The following AKNAD1 variants were observed in gnomAD, a reference collection of about 807,000 sequenced individuals.
AKNAD1 encodes AKNA domain containing 1, also known as protein AKNAD1.
Under a neutral mutation model 90.8 loss-of-function variants are expected in AKNAD1, and 67 were observed. The observed-to-expected ratio is 0.74, with a 90% CI of 0.61 to 0.90. AKNAD1 has a LOEUF of 0.90. Among genes scored for constraint, AKNAD1 ranks in the 40% least tolerant of loss-of-function variants. The probability of loss-of-function intolerance (pLI) is 0.00; values close to 1 mark genes in which losing one functional copy is unlikely to be tolerated. For missense variants in AKNAD1, 957 were observed against 975.4 expected (o/e 0.98, Z 0.25); for synonymous variants, 327 against 341.4 (o/e 0.96, Z 0.46).
At chr1:108,826,084 C>T (rs1459892735) in intron 11 of AKNAD1, among the ~76,000 whole-genome samples, 1 of 151,722 alleles carries the variant, frequency 6.6e-6, no homozygotes, top group Non-Finnish European at 1.5e-5. Flanking sequence ...CCTCCGATTA[C>T]ACCTGGAAAA....
At chr1:108,824,027 A>G (rs1331137236) in intron 11 of AKNAD1, among the ~76,000 whole-genome samples, 1 of 151,750 alleles carries the variant, frequency 6.6e-6, no homozygotes, top group African/African-American at 2.4e-5. Flanking sequence ...TTGTTTTTCC[A>G]TAGTTGGCCT....
intron 7 of AKNAD1, among the ~76,000 whole-genome samples, chr1:108,835,525 GC>G (rs1442885647): frequency 1.3e-5 from 2 of 152,174 alleles, no homozygotes; most frequent in African/African-American, 4.8e-5. Context: ...AAGTGACAGA[GC>G]CAGTATGTGA....
intron 9 of AKNAD1, among the ~76,000 whole-genome samples, chr1:108,831,524 G>A (rs1161753017): frequency 1.3e-5 from 2 of 152,068 alleles, no homozygotes; most frequent in African/African-American, 4.8e-5. Context: ...ACTTGAAAAT[G>A]TTTCTGTTAA....
At chr1:108,850,832 A>C (rs1664833848) in intron 2 of AKNAD1, among the ~76,000 whole-genome samples, 1 of 152,136 alleles carries the variant, frequency 6.6e-6, no homozygotes, top group Admixed American at 6.5e-5. Flanking sequence ...TTACCTTACT[A>C]TTGGGCCTCA....
chr1:108,834,888 C>T, intron 8 of AKNAD1, 41 bp downstream of exon 8: 1 of 1,500,566 alleles, frequency 6.7e-7, no homozygotes, highest in Non-Finnish European at 8.8e-7. Flanking sequence ...GGGCCTCTTT[C>T]TGTGTCCTGT....
intron 1 of AKNAD1, among the ~76,000 whole-genome samples, chr1:108,853,318 A>G (rs1193047109): frequency 2.0e-5 from 3 of 151,744 alleles, no homozygotes; most frequent in Non-Finnish European, 4.4e-5. Flanking sequence ...TTTTTAGTAG[A>G]GATGGGGTTT....
At chr1:108,832,211 C>CTT (rs35868464) in intron 9 of AKNAD1, among the ~76,000 whole-genome samples, 2,308 of 91,614 alleles carry the variant, frequency 0.025, 104 homozygotes, top group African/African-American at 0.059. Context: ...ATGCTGTGTT[C>CTT]TTTTTTTTTT....
At position 108,852,282 on chromosome 1, in the gene AKNAD1, A is replaced by G; in HGVS notation, c.383T>C (p.Ile128Thr). The G allele has an allele frequency of 6.2e-7, 1 of 1,614,190 alleles. No homozygotes were observed. The highest frequency in any genetic ancestry group is 8.5e-7 in the Non-Finnish European group (1 of 1,180,036). The change falls in exon 2 of 16, where the codon ATT becomes ACT. Residue 128 changes from isoleucine (I) to threonine (T), a missense_variant. Ile to Thr is a moderately conservative substitution (Grantham distance 89, BLOSUM62 -1). Coordinates refer to ENST00000370001, the MANE Select transcript of AKNAD1 (RefSeq NM_152763.5). Reference sequence around the variant, plus strand: ...GATCTCTGGGAGGGTTTCACAATCAATGCCTTGACCTCTTAAGAATGGCTC... The same window carrying G: ...GATCTCTGGGAGGGTTTCACAATCAGTGCCTTGACCTCTTAAGAATGGCTC... ...SKEPFLRGQG[I>T]DCETLPEISN...
intron 7 of AKNAD1, among the ~76,000 whole-genome samples, chr1:108,835,661 G>A (rs78139191): frequency 6.8e-6 from 1 of 147,036 alleles, no homozygotes; most frequent in African/African-American, 2.5e-5. Flanking sequence ...GTCTTGCCCT[G>A]TCACCCAGAC....
Position 108,848,913 on chromosome 1 carries a change from T to G in AKNAD1, c.1181A>C (p.Lys394Thr). 6.2e-7 allele frequency: 1 copy of G among 1,601,044 alleles called. No homozygotes were observed. The highest frequency in any genetic ancestry group is 1.1e-5 in the South Asian group (1 of 87,652). ...LKEQTDQLKTKVQEFSKRIKQ... is the reference protein window; with the variant it reads ...LKEQTDQLKTTVQEFSKRIKQ... ...TATAATAAGCTTTAAAAGTATTACT[T>G]TAGTCTTCAGTTGATCAGTCTGTTC... The change falls in exon 4 of 16, where the codon AAA becomes ACA. Residue 394 changes from lysine to threonine, a missense_variant and splice_region_variant. Physicochemically the swap from Lys to Thr is moderately conservative, Grantham distance 78. Coordinates refer to ENST00000370001, the MANE Select transcript of AKNAD1 (RefSeq NM_152763.5).
Position 108,852,703 on chromosome 1 carries a change from A to C in AKNAD1, c.-39T>G. 6 of 1,524,050 alleles carry C rather than the reference A, an allele frequency of 3.9e-6. No homozygotes were observed. The highest frequency in any genetic ancestry group is 5.3e-6 in the Non-Finnish European group (6 of 1,142,138). 94.4% of individuals were successfully genotyped at this position (1,524,050 alleles called of 1,614,324 possible). On this transcript the variant is annotated 5_prime_UTR_variant, in exon 2 of 16. Coordinates refer to ENST00000370001, the MANE Select transcript of AKNAD1 (RefSeq NM_152763.5). ...GATCGCTCTCGTCCTCTGCCTCCTG[A>C]GCTGGCTGCTGTCAGTTGTAACAAT...
intron 11 of AKNAD1, among the ~76,000 whole-genome samples, chr1:108,825,589 A>G (rs1663970588): frequency 6.6e-6 from 1 of 151,608 alleles, no homozygotes; most frequent in African/African-American, 2.4e-5. Flanking sequence ...ATACCATTTT[A>G]TATACCTGAG....
chr1:108,850,527 G>T (rs1036548695), intron 2 of AKNAD1, among the ~76,000 whole-genome samples: 11 of 152,176 alleles, frequency 7.2e-5, no homozygotes, highest in South Asian at 4.1e-4. Context: ...CCCAGTCATG[G>T]CCAGGTGGGC....
At chr1:108,834,657 T>G (rs758342132) in intron 8 of AKNAD1, 129 bp from the exon 9 acceptor site, 1 of 990,618 alleles carries the variant, frequency 1.0e-6, no homozygotes, top group Non-Finnish European at 1.5e-6. Flanking sequence ...AGGCAGAGAG[T>G]GCTATGGGCC....
intron 6 of AKNAD1, among the ~76,000 whole-genome samples, chr1:108,839,451 G>C (rs1231057053): frequency 5.9e-5 from 4 of 67,322 alleles, no homozygotes; most frequent in Non-Finnish European, 1.2e-4. Flanking sequence ...CCAGCCTGGA[G>C]GAGCGAGACT....
chr1:108,822,010 G>C (rs1390170294), intron 13 of AKNAD1, among the ~76,000 whole-genome samples: 1 of 152,154 alleles, frequency 6.6e-6, no homozygotes, highest in Non-Finnish European at 1.5e-5. Flanking sequence ...GCAGAAGCCA[G>C]AAACCAAGAT....
intron 10 of AKNAD1, among the ~76,000 whole-genome samples, chr1:108,829,163 G>A (rs1277227): frequency 0.46 from 69,398 of 151,322 alleles, 17,195 homozygotes; most frequent in East Asian, 0.61. Context: ...GATTATGTAA[G>A]TTACAAGATT....
In AKNAD1 at chr1:108,837,844, G is replaced by A. The variant is rs140585365; in HGVS notation, c.1380-138C>T. ...CTGTCACAAAGGATAATGGGAGCCC[G>A]CATGACTGTTCATAGTTTCTCTGAC... On this transcript the variant is annotated intron_variant, in intron 6 of 15. Transcript: ENST00000370001. 1.3e-4 allele frequency: 123 copies of A among 947,006 alleles called. 1 individual carries two copies. The highest frequency in any genetic ancestry group is 9.7e-4 in the African/African-American group (59 of 60,728). The allele number at this position is 947,006 out of a possible 1,614,324, so 58.7% of individuals were successfully genotyped here.
intron 1 of AKNAD1, among the ~76,000 whole-genome samples, chr1:108,854,486 T>C (rs1664974699): frequency 6.6e-6 from 1 of 152,158 alleles, no homozygotes; most frequent in African/African-American, 2.4e-5. Context: ...TTGACCAAAA[T>C]AAATTTTTTT....
Sources: gnomAD v4.1 joint callset for allele counts (sites outside exome capture counted in the v4.1 genomes callset) on GRCh38, gnomAD v4.1.1 for gene constraint, MANE v1.5 for transcripts, NCBI Gene and HGNC (gene_info 2026-07-23, HGNC 2026-07-21) for gene names.